Variants in FRMD8 observed in about 807,000 individuals in gnomAD.
The protein encoded by FRMD8 is FERM domain-containing protein 8.
FRMD8 carries 37 observed loss-of-function variants against 54.2 expected under a neutral mutation model. The observed-to-expected ratio is 0.68, with a 90% CI of 0.53 to 0.90. The LOEUF is 0.90. Among genes scored for constraint, FRMD8 ranks in the 40% least tolerant of loss-of-function variants. The pLI is 0.00. For synonymous variants in FRMD8, 246 were observed against 286.9 expected, an observed-to-expected ratio of 0.86 and a Z score of 1.44; for missense variants, 585 against 653.7, an observed-to-expected ratio of 0.89 and a Z score of 1.15.
chr11:65,376,249 G>T, the FRMD8 span: 1 of 906,506 alleles, frequency 1.1e-6, no homozygotes, highest in Non-Finnish European at 1.6e-6. Flanking sequence ...GGCTCCCACA[G>T]GTGTCTGCCC....
rs1163029650 is a variant in FRMD8 at position 65,412,583 on chromosome 11, C to T, written c.*1223C>T. On this transcript the variant is annotated 3_prime_UTR_variant, in exon 11 of 11. Transcript: ENST00000317568. ...AGGGCTTTCCCAGCCCTGGGACCCTCCGAGGTGGGTGTGCGGGTCTCACAG... is the reference window on the plus strand; with the variant it reads ...AGGGCTTTCCCAGCCCTGGGACCCTTCGAGGTGGGTGTGCGGGTCTCACAG... The T allele has an allele frequency of 1.3e-5, 2 of 152,240 alleles. No homozygotes were observed. Among genetic ancestry groups the T allele is most frequent in the African/African-American group, 2.4e-5 (1 of 41,456 alleles). The allele number at this position is 152,240 out of a possible 1,614,324, so 9.4% of individuals were successfully genotyped here. A position where few individuals can be genotyped will look rare whatever the true frequency, so the allele number is the denominator to read the frequency against.
the FRMD8 span, chr11:65,379,888 G>T: frequency 6.2e-7 from 1 of 1,614,208 alleles, no homozygotes; most frequent in South Asian, 1.1e-5. Flanking sequence ...GGTAAATCTT[G>T]ACCATGCAAT....
intron 1 of FRMD8, 53 bp from the exon 2 acceptor site, chr11:65,386,984 C>T: frequency 1.3e-6 from 2 of 1,515,994 alleles, no homozygotes; most frequent in South Asian, 1.2e-5. Context: ...GAGGAGACCT[C>T]CAGCCCCCCA....
chr11:65,377,341 C>G, the FRMD8 span: 1 of 1,341,246 alleles, frequency 7.5e-7, no homozygotes, highest in Non-Finnish European at 9.5e-7. Flanking sequence ...GCCTGGCCTA[C>G]AGCAGGCACT....
chr11:65,376,878 T>TCC, the FRMD8 span: 1 of 1,614,160 alleles, frequency 6.2e-7, no homozygotes, highest in Non-Finnish European at 8.5e-7. Flanking sequence ...ATGAAGTAGA[T>TCC]CCCCACCGTG....
chr11:65,390,429 G>T (rs1391159530), intron 3 of FRMD8, among the ~76,000 whole-genome samples: 1 of 152,190 alleles, frequency 6.6e-6, no homozygotes, highest in African/African-American at 2.4e-5. Flanking sequence ...CAGTCCCATT[G>T]AGGGAGTGCG....
the FRMD8 span, among the ~76,000 whole-genome samples, chr11:65,374,510 A>G: frequency 6.6e-6 from 1 of 152,188 alleles, no homozygotes; most frequent in Non-Finnish European, 1.5e-5. Flanking sequence ...TTGTTTCTAC[A>G]GGGAGCCCCC....
upstream of FRMD8, chr11:65,386,516 C>A (rs1312096332): frequency 6.4e-6 from 1 of 155,242 alleles, no homozygotes; most frequent in African/African-American, 2.4e-5. Flanking sequence ...TGATGAGACA[C>A]GCGAGGCTGG....
chr11:65,370,320 C>T, the FRMD8 span, among the ~76,000 whole-genome samples: 3 of 151,516 alleles, frequency 2.0e-5, no homozygotes, highest in African/African-American at 7.3e-5. Flanking sequence ...GCCTTGCAGG[C>T]TGCGGGAGGG....
chr11:65,405,949 G>A (rs1856186451), intron 10 of FRMD8, among the ~76,000 whole-genome samples: 2 of 152,040 alleles, frequency 1.3e-5, no homozygotes, highest in South Asian at 2.1e-4. Flanking sequence ...GGTTTGCAGT[G>A]AGCTACGATT....
At chr11:65,390,886 TTTG>T (rs1320829886) in intron 3 of FRMD8, among the ~76,000 whole-genome samples, 1 of 152,256 alleles carries the variant, frequency 6.6e-6, no homozygotes, top group Non-Finnish European at 1.5e-5. Context: ...AATGGGCTGC[TTTG>T]TTGCCCGGCC....
At chr11:65,403,246 G>A (rs975533431) in intron 9 of FRMD8, among the ~76,000 whole-genome samples, 5 of 151,934 alleles carry the variant, frequency 3.3e-5, no homozygotes, top group Non-Finnish European at 5.9e-5. Flanking sequence ...GCAATGGCGC[G>A]ATTTCAGCTC....
At chr11:65,411,172 C>T (rs1302215377) in intron 10 of FRMD8, 70 bp from the exon 11 acceptor site, 1 of 1,318,276 alleles carries the variant, frequency 7.6e-7, no homozygotes, top group African/African-American at 1.5e-5. Context: ...CAGAACCTGG[C>T]TTCCTGGGCC....
chr11:65,403,420 T>C lies in FRMD8; in HGVS notation c.1072-1444T>C, dbSNP rs548248757. On this transcript the variant is annotated intron_variant, in intron 9 of 10. Coordinates refer to ENST00000317568, the MANE Select transcript of FRMD8 (RefSeq NM_031904.5). ...CTGGTCTCAAACTCCTGACCTCAGGTGATCCACCCGCCTCGGCCTCCCAAA... is the reference window on the plus strand; with the variant it reads ...CTGGTCTCAAACTCCTGACCTCAGGCGATCCACCCGCCTCGGCCTCCCAAA... Among the ~76,000 whole-genome samples, 52 of 152,326 alleles carry C rather than the reference T, an allele frequency of 3.4e-4. No homozygotes were observed. The South Asian group carries it at 8.7e-3, about 25-fold the overall frequency.
Position 65,392,253 on chromosome 11 carries a change from G to A in FRMD8, c.254-1320G>A, listed in dbSNP as rs556283901. 5.3e-5 allele frequency among the ~76,000 whole-genome samples: 8 copies of A among 152,294 alleles called. No individual in the cohort carries two copies. In the East Asian group the frequency reaches 7.7e-4, roughly 15 times the overall value. ...GGAAGGGCTGTGGGCAAGGGGGCCCGTGTGGAGCTGTGGCTGCTCTTCCAG... is the reference window on the plus strand; with the variant it reads ...GGAAGGGCTGTGGGCAAGGGGGCCCATGTGGAGCTGTGGCTGCTCTTCCAG... On this transcript the variant is annotated intron_variant, in intron 3 of 10. Coordinates refer to ENST00000317568, the MANE Select transcript of FRMD8 (RefSeq NM_031904.5).
the FRMD8 span, chr11:65,375,935 G>T: frequency 2.0e-3 from 317 of 160,100 alleles, 1 homozygote; most frequent in African/African-American, 7.4e-3. Context: ...GGTGGCGGGC[G>T]CCTATAGTCC....
chr11:65,379,291 T>TGGGTCGCCAGGGCAGGGTGGGAGAGGA, the FRMD8 span: 10 of 1,505,072 alleles, frequency 6.6e-6, no homozygotes, highest in African/African-American at 1.2e-4. Context: ...TCCACAGCTG[T>TGGGTCGCCAGGGCAGGGTGGGAGAGGA]GGGTCGCCAG....
chr11:65,376,988 C>A, the FRMD8 span: 7 of 1,613,424 alleles, frequency 4.3e-6, no homozygotes, highest in Non-Finnish European at 5.9e-6. Flanking sequence ...CCCCTGGTAC[C>A]GGGGTGGGGG....
chr11:65,410,247 C>T (rs1856299732), intron 10 of FRMD8, among the ~76,000 whole-genome samples: 1 of 152,210 alleles, frequency 6.6e-6, no homozygotes, highest in African/African-American at 2.4e-5. Context: ...CCTGTAATCC[C>T]AGCACTTTTG....
Sources: gnomAD v4.1 joint callset for allele counts (sites outside exome capture counted in the v4.1 genomes callset) on GRCh38, gnomAD v4.1.1 for gene constraint, MANE v1.5 for transcripts, NCBI Gene and HGNC (gene_info 2026-07-23, HGNC 2026-07-21) for gene names.